NET1: variants seen among roughly 807,000 people sequenced by gnomAD.
The protein encoded by NET1 is neuroepithelial cell transforming 1.
In NET1, 42 loss-of-function variants were observed where a neutral mutation model predicts 61.1. The observed-to-expected ratio is 0.69, with a 90% CI of 0.54 to 0.89. The LOEUF (loss-of-function observed/expected upper bound fraction) is 0.89. Among genes scored for constraint, NET1 ranks in the 40% least tolerant of loss-of-function variants. The probability of loss-of-function intolerance (pLI) is 0.00; values close to 1 mark genes in which losing one functional copy is unlikely to be tolerated. For missense variants in NET1, 654 were observed against 747.3 expected (o/e 0.88, Z 1.46); for synonymous variants, 254 against 281.8 (o/e 0.90, Z 0.99).
At chr10:5,413,371 T>C (rs1245019896) in intron 1 of NET1, among the ~76,000 whole-genome samples, 1 of 152,200 alleles carries the variant, frequency 6.6e-6, no homozygotes, top group Non-Finnish European at 1.5e-5. Context: ...CTTCGGGATA[T>C]GTTATGAGAT....
rs1232860033 is a variant in NET1 at position 5,443,076 on chromosome 10, CTTTGGTTT to C, written c.256-8752_256-8745del. 6.6e-6 allele frequency among the ~76,000 whole-genome samples: 1 copy of C among 152,242 alleles called. No homozygotes were observed. The highest frequency in any genetic ancestry group is 1.9e-4 in the East Asian group (1 of 5,182). ...TACTGCTAGCCTGGGACTCAGGAGA[CTTTGGTTT>C]TAAACTTAGGTCTACTGTTAACTTA... On this transcript the variant is annotated intron_variant, in intron 3 of 11. Transcript: ENST00000355029. This position sits in a 1 kb window ranked among gnomAD's most constrained non-coding sequence, Gnocchi z 4.8.
At chr10:5,432,402 A>T (rs1832362390) in intron 3 of NET1, among the ~76,000 whole-genome samples, 1 of 152,172 alleles carries the variant, frequency 6.6e-6, no homozygotes, top group South Asian at 2.1e-4. Flanking sequence ...AACAGCTTGC[A>T]TTATTATTGA....
Position 5,456,634 on chromosome 10 carries a change from G to A in NET1, c.1431G>A (p.Gln477=). The A allele has an allele frequency of 1.2e-6, 2 of 1,602,522 alleles. No individual in the cohort carries two copies. The change falls in exon 12 of 12, where the codon CAG becomes CAA. Residue 477 remains glutamine, a synonymous_variant. Coordinates refer to ENST00000355029, the MANE Select transcript of NET1 (RefSeq NM_001047160.3). The surrounding 1 kb of genome is among the most constrained non-coding windows in gnomAD (Gnocchi z 7.0). ...RIRFHDPSPA[Q]SHTLQANDVF... ...GCTTCCATGACCCCTCTCCAGCCCA[G>A]TCTCACACTCTGCAAGCCAATGACG...
chr10:5,419,303 C>CTTGG (rs71294428), intron 1 of NET1, among the ~76,000 whole-genome samples: 29,292 of 142,420 alleles, frequency 0.21, 3,237 homozygotes, highest in East Asian at 0.35. Context: ...ATAGTTGGAT[C>CTTGG]TTGGTTGGTT....
At position 5,441,147 on chromosome 10, in the gene NET1, TCTC is replaced by T. The variant is rs1335519959; in HGVS notation, c.256-10679_256-10677del. Among the ~76,000 whole-genome samples the T allele has an allele frequency of 2.6e-5, 4 of 152,190 alleles. No individual in the cohort carries two copies. Among genetic ancestry groups the T allele is most frequent in the African/African-American group, 9.7e-5 (4 of 41,442 alleles). On this transcript the variant is annotated intron_variant, in intron 3 of 11. Transcript: ENST00000355029. This position sits in a 1 kb window ranked among gnomAD's most constrained non-coding sequence, Gnocchi z 4.6. Reference sequence around the variant, plus strand: ...AGCTGTGTAAAACACACCACAGACTTCTCCTCTCAACGGACTGAAGAGGGGAGC... The same window carrying T: ...AGCTGTGTAAAACACACCACAGACTTCTCTCAACGGACTGAAGAGGGGAGC...
rs1832525731 is a variant in NET1 at position 5,441,577 on chromosome 10, C to T, written c.256-10253C>T. On this transcript the variant is annotated intron_variant, in intron 3 of 11. Coordinates refer to ENST00000355029, the MANE Select transcript of NET1 (RefSeq NM_001047160.3). The surrounding 1 kb of genome is among the most constrained non-coding windows in gnomAD (Gnocchi z 4.6). ...AGTCACCACTAACAGTGCTGATACCCCATTTGATTGGCTATTTGTGTTGTC... is the reference window on the plus strand; with the variant it reads ...AGTCACCACTAACAGTGCTGATACCTCATTTGATTGGCTATTTGTGTTGTC... Among the ~76,000 whole-genome samples, 1 of 152,208 alleles carries T rather than the reference C, an allele frequency of 6.6e-6. No homozygotes were observed. Among genetic ancestry groups the T allele is most frequent in the South Asian group, 2.1e-4 (1 of 4,838 alleles).
Position 5,412,845 on chromosome 10 carries a change from G to A in NET1, c.128+25G>A. ...GGTGAGTGTGGGGGAGGGGAGGGCC[G>A]AACGGGAGGTGAGTGTAGGGGAGCG... On this transcript the variant is annotated intron_variant, in intron 1 of 11. Transcript: ENST00000355029. This position sits in a 1 kb window ranked among gnomAD's most constrained non-coding sequence, Gnocchi z 6.5. 1.5e-6 allele frequency: 2 copies of A among 1,326,066 alleles called. No homozygotes were observed. Among genetic ancestry groups the A allele is most frequent in the Non-Finnish European group, 1.9e-6 (2 of 1,029,912 alleles). 82.1% of individuals were successfully genotyped at this position (1,326,066 alleles called of 1,614,324 possible). A position where few individuals can be genotyped will look rare whatever the true frequency, so the allele number is the denominator to read the frequency against.
rs1832190224 is a variant in NET1 at position 5,422,395 on chromosome 10, G to A, written c.129-4260G>A. Among the ~76,000 whole-genome samples the A allele has an allele frequency of 6.6e-6, 1 of 152,004 alleles. No individual in the cohort carries two copies. Among genetic ancestry groups the A allele is most frequent in the South Asian group, 2.1e-4 (1 of 4,814 alleles). ...TTTCACTCCTCTTGGGTAAATTCTTGGGGGTGGAATTATCAGGTCCTACGG... is the reference window on the plus strand; with the variant it reads ...TTTCACTCCTCTTGGGTAAATTCTTAGGGGTGGAATTATCAGGTCCTACGG... On this transcript the variant is annotated intron_variant, in intron 1 of 11. Transcript: ENST00000355029. This position sits in a 1 kb window ranked among gnomAD's most constrained non-coding sequence, Gnocchi z 4.1.
In NET1 at chr10:5,456,295, A is replaced by G; in HGVS notation, c.1384+22A>G. 7 of 1,554,184 alleles carry G rather than the reference A, an allele frequency of 4.5e-6. No individual in the cohort carries two copies. Among genetic ancestry groups the G allele is most frequent in the Non-Finnish European group, 6.1e-6 (7 of 1,150,826 alleles). On this transcript the variant is annotated intron_variant, in intron 11 of 11. Coordinates refer to ENST00000355029, the MANE Select transcript of NET1 (RefSeq NM_001047160.3). The surrounding 1 kb of genome is among the most constrained non-coding windows in gnomAD (Gnocchi z 7.0). ...AAAGGTAAAATGCAGGCCTTCAATA[A>G]TTTAAAGAAATAGAAGCTCAGAACT...
In NET1 at chr10:5,441,516, C is replaced by T. The variant is rs984797306; in HGVS notation, c.256-10314C>T. 4.6e-5 allele frequency among the ~76,000 whole-genome samples: 7 copies of T among 152,198 alleles called. No homozygotes were observed. Among genetic ancestry groups the T allele is most frequent in the South Asian group, 2.1e-4 (1 of 4,830 alleles). On this transcript the variant is annotated intron_variant, in intron 3 of 11. Transcript: ENST00000355029. This position sits in a 1 kb window ranked among gnomAD's most constrained non-coding sequence, Gnocchi z 4.6. ...TGTTACAGAAGACTAAGTGGTCTTA[C>T]GTTATACTGGAAGTTATTCGTTACC...
rs889277972 is a variant in NET1 at position 5,441,922 on chromosome 10, A to G, written c.256-9908A>G. Among the ~76,000 whole-genome samples, 6 of 152,162 alleles carry G rather than the reference A, an allele frequency of 3.9e-5. No individual in the cohort carries two copies. The highest frequency in any genetic ancestry group is 2.6e-4 in the Admixed American group (4 of 15,288). On this transcript the variant is annotated intron_variant, in intron 3 of 11. Coordinates refer to ENST00000355029, the MANE Select transcript of NET1 (RefSeq NM_001047160.3). This position sits in a 1 kb window ranked among gnomAD's most constrained non-coding sequence, Gnocchi z 4.6. ...TTAAAATTTTATTTTTAACTAACCT[A>G]TTTTTAGTGAGATACAGAGTATATG...
At chr10:5,433,459 T>C (rs932142124) in intron 3 of NET1, among the ~76,000 whole-genome samples, 3 of 152,202 alleles carry the variant, frequency 2.0e-5, no homozygotes, top group African/African-American at 7.2e-5. Flanking sequence ...CAGAAAAAGT[T>C]TGCTGACCCC....
rs758135864 is a variant in NET1 at position 5,453,392 on chromosome 10, G to A, written c.691+46G>A. 6.4e-7 allele frequency: 1 copy of A among 1,568,522 alleles called. No homozygotes were observed. Among genetic ancestry groups the A allele is most frequent in the South Asian group, 1.1e-5 (1 of 90,212 alleles). ...GTCATTAAATCTAAAGAGCAGCGGT[G>A]CATGTAATTTTCAGTCTAAACTTCT... On this transcript the variant is annotated intron_variant, in intron 7 of 11. Transcript: ENST00000355029. The surrounding 1 kb of genome is among the most constrained non-coding windows in gnomAD (Gnocchi z 4.9).
rs1277896019 is a variant in NET1, at chr10:5,449,422, A to T, written c.256-2408A>T. Among the ~76,000 whole-genome samples, 1 of 152,102 alleles carries T rather than the reference A, an allele frequency of 6.6e-6. No individual in the cohort carries two copies. The highest frequency in any genetic ancestry group is 1.5e-5 in the Non-Finnish European group (1 of 68,026). ...CATCATACTTCCCAAGACATCCTAG[A>T]TTTGATAAACTCTGAAAAGCAGCAT... On this transcript the variant is annotated intron_variant, in intron 3 of 11. Coordinates refer to ENST00000355029, the MANE Select transcript of NET1 (RefSeq NM_001047160.3). The surrounding 1 kb of genome is among the most constrained non-coding windows in gnomAD (Gnocchi z 4.4).
In NET1 at chr10:5,446,606, C is replaced by T. The variant is rs1392709149; in HGVS notation, c.256-5224C>T. 6 of 1,228,672 alleles carry T rather than the reference C, an allele frequency of 4.9e-6. No homozygotes were observed. Among genetic ancestry groups the T allele is most frequent in the South Asian group, 3.3e-5 (1 of 30,170 alleles). 76.1% of individuals were successfully genotyped at this position (1,228,672 alleles called of 1,614,324 possible). A position where few individuals can be genotyped will look rare whatever the true frequency, so the allele number is the denominator to read the frequency against. On this transcript the variant is annotated intron_variant, in intron 3 of 11. Transcript: ENST00000355029. The surrounding 1 kb of genome is among the most constrained non-coding windows in gnomAD (Gnocchi z 5.0). ...GGGTCGGTGCTTGCTGCCTGCGGCT[C>T]TCAGAAGCCTCTGCTCCACCGCGGC... is the stretch of plus-strand genomic sequence containing the variant.
Position 5,456,487 on chromosome 10 carries a change from T to A in NET1, c.1385-101T>A. ...TGTATTCACATTGACATAAATAAAT[T>A]GCCATAAATTGACAGTCACGTTAAG... On this transcript the variant is annotated intron_variant, in intron 11 of 11. Coordinates refer to ENST00000355029, the MANE Select transcript of NET1 (RefSeq NM_001047160.3). This position sits in a 1 kb window ranked among gnomAD's most constrained non-coding sequence, Gnocchi z 7.0. The A allele has an allele frequency of 8.3e-7, 1 of 1,199,760 alleles. No individual in the cohort carries two copies. Among genetic ancestry groups the A allele is most frequent in the South Asian group, 1.6e-5 (1 of 64,214 alleles). 74.3% of individuals were successfully genotyped at this position (1,199,760 alleles called of 1,614,324 possible).
In NET1 at chr10:5,456,524, A is replaced by C. The variant is rs1832801030; in HGVS notation, c.1385-64A>C. 2 of 1,443,974 alleles carry C rather than the reference A, an allele frequency of 1.4e-6. No homozygotes were observed. The highest frequency in any genetic ancestry group is 1.4e-5 in the African/African-American group (1 of 70,254). The allele number at this position is 1,443,974 out of a possible 1,614,324, so 89.4% of individuals were successfully genotyped here. Reference sequence around the variant, plus strand: ...ACAGTCACGTTAAGATTGTATGACCACTTTGTCTAGAATAAACCTTTTTTT... The same window carrying C: ...ACAGTCACGTTAAGATTGTATGACCCCTTTGTCTAGAATAAACCTTTTTTT... On this transcript the variant is annotated intron_variant, in intron 11 of 11. Transcript: ENST00000355029. This position sits in a 1 kb window ranked among gnomAD's most constrained non-coding sequence, Gnocchi z 7.0.
At chr10:5,450,376 A>G (rs1832685150) in intron 3 of NET1, among the ~76,000 whole-genome samples, 1 of 151,944 alleles carries the variant, frequency 6.6e-6, no homozygotes, top group African/African-American at 2.4e-5. Context: ...AATTATTTAC[A>G]TTTCTTTCCA....
Position 5,421,306 on chromosome 10 carries a change from A to G in NET1, c.129-5349A>G, listed in dbSNP as rs772487850. Reference sequence around the variant, plus strand: ...AGCCATAGAACTTTACATATCACCCATATGGCAGAAATATAAATACATACT... The same window carrying G: ...AGCCATAGAACTTTACATATCACCCGTATGGCAGAAATATAAATACATACT... On this transcript the variant is annotated intron_variant, in intron 1 of 11. Coordinates refer to ENST00000355029, the MANE Select transcript of NET1 (RefSeq NM_001047160.3). The surrounding 1 kb of genome is among the most constrained non-coding windows in gnomAD (Gnocchi z 4.2). 1.3e-5 allele frequency among the ~76,000 whole-genome samples: 2 copies of G among 152,236 alleles called. No individual in the cohort carries two copies. Among genetic ancestry groups the G allele is most frequent in the Non-Finnish European group, 2.9e-5 (2 of 68,032 alleles).
Sources: allele counts gnomAD v4.1 joint callset (sites outside exome capture counted in the v4.1 genomes callset), GRCh38; gene constraint gnomAD v4.1.1; non-coding constraint Gnocchi (gnomAD v3.1); transcripts MANE v1.5; gene names NCBI Gene and HGNC (gene_info 2026-07-23, HGNC 2026-07-21).